Variants in SEMA5A observed in about 807,000 individuals in gnomAD.
The protein encoded by SEMA5A is semaphorin-5A.
Under a neutral mutation model 135.5 loss-of-function variants are expected in SEMA5A, and 55 were observed. That is an observed-to-expected ratio of 0.41 (90% CI 0.33 to 0.51). The LOEUF (loss-of-function observed/expected upper bound fraction) is 0.51. Ranked by LOEUF, SEMA5A falls within the 20% of genes least tolerant of loss-of-function variation. SEMA5A has a pLI of 0.37. For synonymous variants in SEMA5A, 580 were observed against 546.5 expected, an observed-to-expected ratio of 1.06 and a Z score of -0.85; for missense variants, 1,290 against 1,419.9, an observed-to-expected ratio of 0.91 and a Z score of 1.47.
At chr5:9,485,662 A>G (rs1416547792) in intron 1 of SEMA5A, among the ~76,000 whole-genome samples, 2 of 152,310 alleles carry the variant, frequency 1.3e-5, no homozygotes, top group East Asian at 3.9e-4. Flanking sequence ...ATGACTGTTG[A>G]TAATTGGGTG....
chr5:9,187,124 G>T (rs1475948933), intron 11 of SEMA5A, among the ~76,000 whole-genome samples: 1 of 151,746 alleles, frequency 6.6e-6, no homozygotes, highest in Non-Finnish European at 1.5e-5. Flanking sequence ...CTTGTTGGGG[G>T]TTATTTGGCT....
At chr5:9,135,754 T>C (rs1273072772) in intron 13 of SEMA5A, among the ~76,000 whole-genome samples, 1 of 152,174 alleles carries the variant, frequency 6.6e-6, no homozygotes, top group African/African-American at 2.4e-5. Context: ...CTGTTGTTCA[T>C]ATTCTATGAG....
intron 1 of SEMA5A, among the ~76,000 whole-genome samples, chr5:9,536,559 G>C (rs1356173005): frequency 6.6e-6 from 1 of 151,368 alleles, no homozygotes; most frequent in East Asian, 1.9e-4. Flanking sequence ...GTTACAGTGA[G>C]CCGAGATCGC....
intron 2 of SEMA5A, among the ~76,000 whole-genome samples, chr5:9,385,326 TAAA>T (rs985805637): frequency 2.8e-4 from 43 of 152,240 alleles, no homozygotes; most frequent in African/African-American, 1.0e-3. Flanking sequence ...TGCTGTCAGA[TAAA>T]AAAGAAATCA....
chr5:9,123,608 AAATC>A (rs1388497895), intron 13 of SEMA5A, among the ~76,000 whole-genome samples: 5 of 152,144 alleles, frequency 3.3e-5, no homozygotes, highest in African/African-American at 1.2e-4. Flanking sequence ...CTGGAGTGAA[AAATC>A]ACAGCTGCAC....
intron 2 of SEMA5A, among the ~76,000 whole-genome samples, chr5:9,404,275 C>G (rs1037957897): frequency 6.6e-6 from 1 of 151,994 alleles, no homozygotes; most frequent in Admixed American, 6.6e-5. Flanking sequence ...TTTCTCTGTT[C>G]ATTTTCCCAC....
At chr5:9,094,857 C>T (rs968350535) in intron 16 of SEMA5A, among the ~76,000 whole-genome samples, 2 of 151,990 alleles carry the variant, frequency 1.3e-5, no homozygotes, top group African/African-American at 4.8e-5. Flanking sequence ...TCATGCAGCA[C>T]GGCTTATAAA....
At chr5:9,381,981 T>TGTGTGTGTGA (rs1411451751) in intron 2 of SEMA5A, among the ~76,000 whole-genome samples, 7 of 99,920 alleles carry the variant, frequency 7.0e-5, no homozygotes, top group African/African-American at 3.1e-4. Flanking sequence ...TGTGTGTGTG[T>TGTGTGTGTGA]GCGCGCGCGC....
intron 1 of SEMA5A, chr5:9,516,949 C>T (rs1736562296): frequency 6.6e-6 from 1 of 152,250 alleles, no homozygotes; most frequent in Admixed American, 6.5e-5. Context: ...AAAAGGATCT[C>T]TACATTCTAC....
chr5:9,408,877 T>C (rs1291839123), intron 2 of SEMA5A, among the ~76,000 whole-genome samples: 2 of 152,104 alleles, frequency 1.3e-5, no homozygotes, highest in African/African-American at 4.8e-5. Context: ...TAGCCAGAGA[T>C]TTTTCTAACA....
chr5:9,331,103 C>G (rs756804692), intron 4 of SEMA5A, among the ~76,000 whole-genome samples: 1 of 152,076 alleles, frequency 6.6e-6, no homozygotes, highest in African/African-American at 2.4e-5. Context: ...TTGGAAAAGA[C>G]GAATAAGTGT....
rs77408457 is a variant in SEMA5A, at chr5:9,473,189, C to T, written c.-174-35337G>A. On this transcript the variant is annotated intron_variant, in intron 1 of 22. Transcript: ENST00000382496. ...AAGTCATAAATATGCATATGATTTA[C>T]ATAAAGGAGCTAAAATAAGAAAAAA... is the stretch of plus-strand genomic sequence containing the variant. Among the ~76,000 whole-genome samples the T allele has an allele frequency of 9.1e-5, 13 of 143,252 alleles. No individual in the cohort carries two copies. The East Asian group carries it at 2.4e-3, about 26-fold the overall frequency. 94.0% of individuals were successfully genotyped at this position (143,252 alleles called of 152,430 possible). A position where few individuals can be genotyped will look rare whatever the true frequency, so the allele number is the denominator to read the frequency against.
At chr5:9,100,879 T>C (rs1017298781) in intron 16 of SEMA5A, among the ~76,000 whole-genome samples, 1 of 152,046 alleles carries the variant, frequency 6.6e-6, no homozygotes, top group African/African-American at 2.4e-5. Context: ...TACTCACATC[T>C]CCATAATGTT....
chr5:9,146,789 A>C (rs1034799056), intron 12 of SEMA5A, among the ~76,000 whole-genome samples: 9 of 152,308 alleles, frequency 5.9e-5, no homozygotes, highest in Admixed American at 5.2e-4. Context: ...GAGTTCAATA[A>C]ATATAATATA....
At chr5:9,407,233 G>C (rs895324415) in intron 2 of SEMA5A, among the ~76,000 whole-genome samples, 1 of 152,218 alleles carries the variant, frequency 6.6e-6, no homozygotes, top group African/African-American at 2.4e-5. Flanking sequence ...AAAAGAGTAT[G>C]TAACAAGTAG....
intron 2 of SEMA5A, among the ~76,000 whole-genome samples, chr5:9,426,432 T>TAAATAAATA (rs1757655661): frequency 8.3e-6 from 1 of 121,050 alleles, no homozygotes; most frequent in Non-Finnish European, 1.7e-5. Flanking sequence ...CTCAAAAAAA[T>TAAATAAATA]AAATAAAATA....
chr5:9,221,554 G>T (rs113756766), intron 8 of SEMA5A, among the ~76,000 whole-genome samples: 3 of 150,830 alleles, frequency 2.0e-5, no homozygotes, highest in African/African-American at 7.3e-5. Context: ...CGCCCGCCTC[G>T]GCCTCCCAAA....
intron 2 of SEMA5A, among the ~76,000 whole-genome samples, chr5:9,421,653 G>A (rs1371381953): frequency 2.0e-5 from 3 of 152,116 alleles, no homozygotes; most frequent in African/African-American, 7.2e-5. Flanking sequence ...ATGGGTGAAA[G>A]TCCCCTTTAA....
chr5:9,425,730 C>G (rs12652372), intron 2 of SEMA5A, among the ~76,000 whole-genome samples: 1 of 152,128 alleles, frequency 6.6e-6, no homozygotes, highest in Non-Finnish European at 1.5e-5. Flanking sequence ...TTTGGAGAAA[C>G]CTATAGCTGC....
Sources: allele counts gnomAD v4.1 joint callset (sites outside exome capture counted in the v4.1 genomes callset), GRCh38; gene constraint gnomAD v4.1.1; transcripts MANE v1.5; gene names NCBI Gene and HGNC (gene_info 2026-07-23, HGNC 2026-07-21).